The following VPS39 variants were observed in gnomAD, a reference collection of about 807,000 sequenced individuals.
VPS39 encodes the protein vam6/Vps39-like protein.
Under a neutral mutation model 121.0 loss-of-function variants are expected in VPS39, and 70 were observed. The ratio of observed to expected loss-of-function variants is 0.58; its 90% CI spans 0.48 to 0.71. The LOEUF is 0.71. Among genes scored for constraint, VPS39 ranks in the 30% least tolerant of loss-of-function variants. The probability of loss-of-function intolerance (pLI) is 0.00; values close to 1 mark genes in which losing one functional copy is unlikely to be tolerated. For missense variants in VPS39, 818 were observed against 1,051.5 expected (o/e 0.78, Z 3.07); for synonymous variants, 378 against 398.1 (o/e 0.95, Z 0.60).
chr15:42,178,220 C>G lies in VPS39; in HGVS notation c.958G>C (p.Ala320Pro). 6.2e-7 allele frequency: 1 copy of G among 1,614,060 alleles called. No individual in the cohort carries two copies. The highest frequency in any genetic ancestry group is 8.5e-7 in the Non-Finnish European group (1 of 1,179,992). ...GACTAGTCAGGAACAAGACTTACTGCGAGCTGCAGAGCCAATTCAAACTGC... is the reference window on the plus strand; with the variant it reads ...GACTAGTCAGGAACAAGACTTACTGGGAGCTGCAGAGCCAATTCAAACTGC... ...DKQFELALQL[A>P]EMKDDSDSEK... The change falls in exon 10 of 25, where the codon GCA (alanine) becomes CCA (proline). Residue 320 changes from alanine (A) to proline (P), a missense_variant and splice_region_variant. Physicochemically the swap from Ala to Pro is conservative, Grantham distance 27. Coordinates refer to ENST00000318006, the MANE Select transcript of VPS39 (RefSeq NM_015289.5).
At chr15:42,169,538 A>C (rs1373461102) in intron 12 of VPS39, among the ~76,000 whole-genome samples, 186 bp downstream of exon 12, 3 of 152,210 alleles carry the variant, frequency 2.0e-5, no homozygotes, top group African/African-American at 7.2e-5. Flanking sequence ...ATTTGGCAGA[A>C]AACCCCACCT....
chr15:42,165,606 C>T (rs1344478363), intron 17 of VPS39, 112 bp downstream of exon 17: 5 of 814,592 alleles, frequency 6.1e-6, no homozygotes, highest in African/African-American at 5.2e-5. Context: ...AACCCTCATC[C>T]TTCCAATCCC....
chr15:42,170,493 C>T (rs1416193185), intron 11 of VPS39, among the ~76,000 whole-genome samples: 1 of 151,984 alleles, frequency 6.6e-6, no homozygotes, highest in South Asian at 2.1e-4. Context: ...AGAGTGGAGA[C>T]CCTGTCTCAA....
At chr15:42,205,438 G>C (rs2050147970) in intron 1 of VPS39, among the ~76,000 whole-genome samples, 1 of 152,198 alleles carries the variant, frequency 6.6e-6, no homozygotes, top group Non-Finnish European at 1.5e-5. Context: ...ACAAAGGCAA[G>C]TGAGTGCCAG....
chr15:42,176,589 G>A (rs540827120), intron 10 of VPS39, among the ~76,000 whole-genome samples: 9 of 150,150 alleles, frequency 6.0e-5, no homozygotes, highest in Admixed American at 2.0e-4. Flanking sequence ...ATAGGACAAT[G>A]CATGAGTAGA....
intron 19 of VPS39, 37 bp downstream of exon 19, chr15:42,164,321 C>T (rs766128106): frequency 2.0e-5 from 33 of 1,612,756 alleles, no homozygotes; most frequent in South Asian, 3.3e-5. Context: ...GCATGACCTT[C>T]GCTGAAGTGG....
In VPS39 at chr15:42,186,528, G is replaced by T. The variant is rs1323009722; in HGVS notation, c.534+743C>A. Among the ~76,000 whole-genome samples the T allele has an allele frequency of 2.0e-5, 3 of 152,198 alleles. No homozygotes were observed. The East Asian group carries it at 5.8e-4, about 29-fold the overall frequency. On this transcript the variant is annotated intron_variant, in intron 7 of 24. Transcript: ENST00000318006. ...AATTGCCATGTCTGAATTACAAGGG[G>T]TGTGAAGCTAAGAGATTTAGATTAT...
intron 24 of VPS39, chr15:42,161,053 G>C (rs962030432): frequency 1.8e-6 from 1 of 540,950 alleles, no homozygotes; most frequent in Non-Finnish European, 3.3e-6. Context: ...AGAGTGCATG[G>C]GGTATTTTTT....
intron 11 of VPS39, among the ~76,000 whole-genome samples, chr15:42,171,023 CT>C (rs1273247085): frequency 6.6e-6 from 1 of 152,150 alleles, no homozygotes; most frequent in Non-Finnish European, 1.5e-5. Context: ...GCATGAGCCA[CT>C]GTACCTGGCC....
chr15:42,181,854 G>A (rs905237784), intron 8 of VPS39, among the ~76,000 whole-genome samples: 11 of 152,012 alleles, frequency 7.2e-5, no homozygotes, highest in Non-Finnish European at 1.2e-4. Context: ...GAATATATGC[G>A]TACAGCACGA....
chr15:42,194,495 T>A (rs746495101), intron 2 of VPS39, among the ~76,000 whole-genome samples: 30 of 151,140 alleles, frequency 2.0e-4, no homozygotes, highest in Non-Finnish European at 3.7e-4. Context: ...AAAGAAAAAA[T>A]AAATAAATAA....
intron 12 of VPS39, among the ~76,000 whole-genome samples, chr15:42,167,930 T>C (rs1007824870): frequency 6.6e-6 from 1 of 152,202 alleles, no homozygotes; most frequent in Non-Finnish European, 1.5e-5. Context: ...GAGGTATAAC[T>C]TACAATAAAA....
chr15:42,166,142 G>A lies in VPS39; in HGVS notation c.1680+17C>T. 1.2e-6 allele frequency: 2 copies of A among 1,612,230 alleles called. No individual in the cohort carries two copies. The highest frequency in any genetic ancestry group is 8.5e-7 in the Non-Finnish European group (1 of 1,178,338). ...CAAGTGTTTACCAGATAAATCCAAGGGACTCCTGTGGCTCACCTTCAGGCC... is the reference window on the plus strand; with the variant it reads ...CAAGTGTTTACCAGATAAATCCAAGAGACTCCTGTGGCTCACCTTCAGGCC... On this transcript the variant is annotated intron_variant, in intron 16 of 24. Transcript: ENST00000318006.
chr15:42,162,720 T>C (rs917630416), intron 21 of VPS39: 25 of 412,702 alleles, frequency 6.1e-5, no homozygotes, highest in Non-Finnish European at 9.8e-5. Context: ...TTTACCATTA[T>C]GCCATTTACA....
At position 42,178,492 on chromosome 15, in the gene VPS39, TG is replaced by T. The variant is rs1282318885; in HGVS notation, c.796del (p.Gln266LysfsTer57). On this transcript the variant is annotated frameshift_variant, in exon 9 of 25. Transcript: ENST00000318006. LOFTEE classifies it high-confidence loss of function. ...IRTFEPRLLV[Q>X]SIELQRPRFI... The stretch of plus-strand genomic sequence containing the variant: ...ACGGGGCCTTTGCAATTCAATGCTT[TG>T]GACCAGAAGCCTCGGTTCAAATGTT... 6.2e-7 allele frequency: 1 copy of T among 1,614,230 alleles called. No individual in the cohort carries two copies. The highest frequency in any genetic ancestry group is 1.7e-5 in the Admixed American group (1 of 60,028).
rs750029922 is a variant in VPS39 at position 42,208,275 on chromosome 15, C to A, written c.-122G>T. 84 of 1,303,878 alleles carry A rather than the reference C, an allele frequency of 6.4e-5. 1 individual carries two copies. Among genetic ancestry groups the A allele is most frequent in the South Asian group, 5.8e-4 (42 of 72,558 alleles). The allele number at this position is 1,303,878 out of a possible 1,614,324, so 80.8% of individuals were successfully genotyped here. A position where few individuals can be genotyped will look rare whatever the true frequency, so the allele number is the denominator to read the frequency against. The stretch of plus-strand genomic sequence containing the variant: ...CGGCCAGGAACCCCCCGGCTACAGG[C>A]CCTTCAACAACACAGCCATCGTCAA... On this transcript the variant is annotated 5_prime_UTR_variant, in exon 1 of 25. Transcript: ENST00000318006.
At chr15:42,201,074 C>G (rs2050058155) in intron 1 of VPS39, among the ~76,000 whole-genome samples, 1 of 152,154 alleles carries the variant, frequency 6.6e-6, no homozygotes, top group Non-Finnish European at 1.5e-5. Context: ...CTAATGGGTA[C>G]TGAGTTTCTT....
chr15:42,202,423 C>G (rs2050086397), intron 1 of VPS39, among the ~76,000 whole-genome samples: 1 of 152,072 alleles, frequency 6.6e-6, no homozygotes, highest in South Asian at 2.1e-4. Context: ...ATTCATTTTG[C>G]AATATTTGTT....
rs774416271 is a variant in VPS39 at position 42,178,535 on chromosome 15, G to A, written c.754C>T (p.Arg252Ter). Residue 252 changes from arginine (R) to a stop codon, truncating the protein, a stop_gained, in exon 9 of 25, where the codon CGA becomes TGA. Coordinates refer to ENST00000318006, the MANE Select transcript of VPS39 (RefSeq NM_015289.5). LOFTEE classifies it high-confidence loss of function. ...QPPYIIAVLP[R>*]YVEIRTFEPR... ...TCAAATGTTCGGATCTCAACATATCGAGGCAACACTGCAATGATGTAGGGA... is the reference window on the plus strand; with the variant it reads ...TCAAATGTTCGGATCTCAACATATCAAGGCAACACTGCAATGATGTAGGGA... 4 of 1,614,066 alleles carry A rather than the reference G, an allele frequency of 2.5e-6. No homozygotes were observed. The highest frequency in any genetic ancestry group is 4.5e-5 in the East Asian group (2 of 44,864).
Sources: gnomAD v4.1 joint callset for allele counts (sites outside exome capture counted in the v4.1 genomes callset) on GRCh38, gnomAD v4.1.1 for gene constraint, MANE v1.5 for transcripts, NCBI Gene and HGNC (gene_info 2026-07-23, HGNC 2026-07-21) for gene names.